The following CRACD variants were observed in gnomAD, a reference collection of about 807,000 sequenced individuals.
The protein encoded by CRACD is capping protein inhibiting regulator of actin dynamics.
In CRACD, 56 loss-of-function variants were observed where a neutral mutation model predicts 106.8. That is an observed-to-expected ratio of 0.52 (90% CI 0.42 to 0.66). CRACD has a LOEUF of 0.66. CRACD is among the 30% of genes least tolerant of loss of function. The probability of loss-of-function intolerance (pLI) is 0.00; values close to 1 mark genes in which losing one functional copy is unlikely to be tolerated. For synonymous variants in CRACD, 754 were observed against 670.8 expected (o/e 1.12, Z -1.92); for missense variants, 1,730 against 1,623.2 (o/e 1.07, Z -1.13).
chr4:56,229,284 C>T (rs28629381), intron 2 of CRACD, among the ~76,000 whole-genome samples: 31,021 of 152,060 alleles, frequency 0.2, 3,391 homozygotes, highest in Non-Finnish European at 0.24. Context: ...GAATGGGATT[C>T]ATGCCCTTTT....
chr4:56,321,434 A>T (rs1444596953), intron 8 of CRACD: 1 of 152,470 alleles, frequency 6.6e-6, no homozygotes, highest in African/African-American at 2.4e-5. Context: ...CCAGTAAATA[A>T]TAGTCTAAGT....
chr4:56,302,138 G>C (rs921028233), intron 4 of CRACD, among the ~76,000 whole-genome samples: 2 of 152,228 alleles, frequency 1.3e-5, no homozygotes, highest in Non-Finnish European at 1.5e-5. Flanking sequence ...ATGCACACAA[G>C]GGGTGATCTC....
chr4:56,079,005 G>T (rs1411783836), intron 1 of CRACD, among the ~76,000 whole-genome samples: 2 of 152,206 alleles, frequency 1.3e-5, no homozygotes, highest in Non-Finnish European at 2.9e-5. Context: ...GGAGCTCTCA[G>T]AGGGCACTGC....
At chr4:56,096,013 G>C (rs1490883224) in intron 1 of CRACD, among the ~76,000 whole-genome samples, 1 of 152,174 alleles carries the variant, frequency 6.6e-6, no homozygotes, top group African/African-American at 2.4e-5. Flanking sequence ...TTCTGTCTGA[G>C]CTATTAGAAG....
In CRACD at chr4:56,126,966, G is replaced by T. The variant is rs148440300; in HGVS notation, c.-335-52318G>T. 1.1e-4 allele frequency among the ~76,000 whole-genome samples: 16 copies of T among 152,258 alleles called. No homozygotes were observed. In the East Asian group the frequency reaches 2.9e-3, roughly 28 times the overall value. ...CTCTCCTGCTATGCTTTGAATGTTT[G>T]TATCCCTTCCAAAATTTATAGGTTA... On this transcript the variant is annotated intron_variant, in intron 1 of 10. Coordinates refer to ENST00000682029, the MANE Select transcript of CRACD (RefSeq NM_001393381.1).
intron 10 of CRACD, among the ~76,000 whole-genome samples, chr4:56,325,956 T>C (rs1195280640): frequency 6.6e-6 from 1 of 152,194 alleles, no homozygotes; most frequent in Non-Finnish European, 1.5e-5. Flanking sequence ...CTGTTGCCCA[T>C]GCTGGAGTGC....
intron 2 of CRACD, among the ~76,000 whole-genome samples, chr4:56,270,639 G>GT (rs1742294544): frequency 6.6e-6 from 1 of 152,082 alleles, no homozygotes; most frequent in Non-Finnish European, 1.5e-5. Context: ...TTCCTGTGAT[G>GT]TAGGCATGCT....
At chr4:56,215,365 C>T (rs1738622751) in intron 2 of CRACD, among the ~76,000 whole-genome samples, 1 of 152,168 alleles carries the variant, frequency 6.6e-6, no homozygotes, top group South Asian at 2.1e-4. Flanking sequence ...GAGAGCACTG[C>T]CCTAATGACC....
chr4:56,242,051 TA>T (rs1740397032), intron 2 of CRACD, among the ~76,000 whole-genome samples: 1 of 152,180 alleles, frequency 6.6e-6, no homozygotes, highest in Non-Finnish European at 1.5e-5. Flanking sequence ...AATGACAAAG[TA>T]AGAAGCCTGA....
At chr4:56,151,467 CCGTTT>C (rs1735576737) in intron 1 of CRACD, among the ~76,000 whole-genome samples, 1 of 151,778 alleles carries the variant, frequency 6.6e-6, no homozygotes, top group Non-Finnish European at 1.5e-5. Flanking sequence ...TTTTCTTGAG[CCGTTT>C]AAGAGTAAGT....
intron 5 of CRACD, chr4:56,308,880 A>ATAAG (rs1373242030): frequency 1.1e-5 from 14 of 1,287,290 alleles, no homozygotes; most frequent in Non-Finnish European, 1.3e-5. Flanking sequence ...TGATGAGCTC[A>ATAAG]TAAGTGCTGG....
chr4:56,170,493 T>C (rs1033264999), intron 1 of CRACD, among the ~76,000 whole-genome samples: 4 of 152,140 alleles, frequency 2.6e-5, no homozygotes, highest in African/African-American at 9.7e-5. Context: ...AAATCTTGGC[T>C]AGGTAAAGAG....
chr4:56,204,725 C>A (rs186030972), intron 2 of CRACD, among the ~76,000 whole-genome samples: 7 of 152,296 alleles, frequency 4.6e-5, no homozygotes. Flanking sequence ...CAAAGTGGAT[C>A]ATTATAATCT....
intron 2 of CRACD, among the ~76,000 whole-genome samples, chr4:56,266,030 C>G (rs1365073070): frequency 6.6e-6 from 1 of 150,994 alleles, no homozygotes; most frequent in Non-Finnish European, 1.5e-5. Flanking sequence ...GGTATGTAAT[C>G]ATACCCTTGA....
intron 1 of CRACD, among the ~76,000 whole-genome samples, chr4:56,099,093 C>T (rs904943549): frequency 2.6e-5 from 4 of 152,154 alleles, no homozygotes; most frequent in Non-Finnish European, 5.9e-5. Flanking sequence ...GAACAGGTGA[C>T]AGTTTAGATT....
At chr4:56,122,253 A>G (rs1338705798) in intron 1 of CRACD, among the ~76,000 whole-genome samples, 2 of 152,182 alleles carry the variant, frequency 1.3e-5, no homozygotes, top group Non-Finnish European at 2.9e-5. Flanking sequence ...ACAAGTTAAA[A>G]TATAAGTGCA....
At chr4:56,062,766 C>G (rs1302290635) in intron 1 of CRACD, among the ~76,000 whole-genome samples, 1 of 152,188 alleles carries the variant, frequency 6.6e-6, no homozygotes, top group Non-Finnish European at 1.5e-5. Flanking sequence ...TTTAATTCAT[C>G]TTCTCCTTGA....
At chr4:56,100,366 A>G (rs903746990) in intron 1 of CRACD, among the ~76,000 whole-genome samples, 1 of 152,210 alleles carries the variant, frequency 6.6e-6, no homozygotes. Flanking sequence ...GCAGCTCTAT[A>G]TAATAATTGT....
rs57096093 is a variant in CRACD, at chr4:56,110,263, T to C, written c.-336+60964T>C. On this transcript the variant is annotated intron_variant, in intron 1 of 10. Transcript: ENST00000682029. ...GAAGTGTTTTCAACCGAAAATTCTG[T>C]CTTTAGGCAAATGTGTCTGAGGGTG... Among the ~76,000 whole-genome samples the C allele has an allele frequency of 5.0e-3, 767 of 152,300 alleles. 3 individuals are homozygous for C. Among genetic ancestry groups the C allele is most frequent in the African/African-American group, 0.017 (690 of 41,572 alleles).
Sources: gnomAD v4.1 joint callset for allele counts (sites outside exome capture counted in the v4.1 genomes callset) on GRCh38, gnomAD v4.1.1 for gene constraint, MANE v1.5 for transcripts, NCBI Gene and HGNC (gene_info 2026-07-23, HGNC 2026-07-21) for gene names.